DMXL2: variants seen among roughly 807,000 people sequenced by gnomAD.
The protein encoded by DMXL2 is Dmx like 2, also known as dmX-like protein 2.
Under a neutral mutation model 331.1 loss-of-function variants are expected in DMXL2, and 103 were observed. The observed-to-expected ratio is 0.31, with a 90% confidence interval of 0.27 to 0.37. The LOEUF (loss-of-function observed/expected upper bound fraction) is 0.37, where lower values mean the gene tolerates loss of function less well. DMXL2 is among the 10% of genes least tolerant of loss of function. DMXL2 has a pLI of 1.00. For synonymous variants in DMXL2, 1,281 were observed against 1,252.1 expected (o/e 1.02, Z -0.49); for missense variants, 3,171 against 3,642.9 (o/e 0.87, Z 3.33).
Position 51,478,262 on chromosome 15 carries a change from T to A in DMXL2, c.6833+9A>T. On this transcript the variant is annotated intron_variant, in intron 26 of 43. Transcript: ENST00000560891. ...TGTATTAATACTATTTTGGGTGATT[T>A]TTTTTTACCTGTAGCTATGACTGTC... is the stretch of plus-strand genomic sequence containing the variant. 2 of 1,609,120 alleles carry A rather than the reference T, an allele frequency of 1.2e-6. No homozygotes were observed. The highest frequency in any genetic ancestry group is 1.7e-5 in the Admixed American group (1 of 59,864).
intron 13 of DMXL2, among the ~76,000 whole-genome samples, chr15:51,526,047 G>A (rs1596124973): frequency 6.6e-6 from 1 of 151,624 alleles, no homozygotes; most frequent in African/African-American, 2.4e-5. Context: ...TAGAGGTGAT[G>A]GCCACAGGGG....
At position 51,450,364 on chromosome 15, in the gene DMXL2, C is replaced by G; in HGVS notation, c.8750-18G>C. The G allele has an allele frequency of 6.2e-7, 1 of 1,611,458 alleles. No homozygotes were observed. Among genetic ancestry groups the G allele is most frequent in the Non-Finnish European group, 8.5e-7 (1 of 1,177,822 alleles). Reference sequence around the variant, plus strand: ...CGTGAAACCTGAAGAAGAAAAACATCAGAGAATTTCTCAAAACAATTTCTT... The same window carrying G: ...CGTGAAACCTGAAGAAGAAAAACATGAGAGAATTTCTCAAAACAATTTCTT... On this transcript the variant is annotated intron_variant, in intron 42 of 43. Coordinates refer to ENST00000560891, the MANE Select transcript of DMXL2 (RefSeq NM_001378457.1).
rs754900105 is a variant in DMXL2 at position 51,449,091 on chromosome 15, T to C, written c.9070A>G (p.Ile3024Val). The C allele has an allele frequency of 2.5e-6, 4 of 1,614,216 alleles. No individual in the cohort carries two copies. In the Admixed American group the frequency reaches 5.0e-5, roughly 20 times the overall value. Residue 3024 changes from isoleucine to valine, a missense_variant, in exon 44 of 44, where the codon ATC becomes GTC. Around this residue, in one of 7 missense-constraint regions of DMXL2, gnomAD observed 766 missense variants for 940.5 expected, o/e 0.81. Coordinates refer to ENST00000560891, the MANE Select transcript of DMXL2 (RefSeq NM_001378457.1). Reference sequence around the variant, plus strand: ...GAGAAGAGCCGATTGCCCTGGATGATGTCAATCTGCATGACTCCAGCCCCA... The same window carrying C: ...GAGAAGAGCCGATTGCCCTGGATGACGTCAATCTGCATGACTCCAGCCCCA... Reference protein sequence around the residue: ...NIGAGVMQIDIIQGNRLFSCG... With the variant: ...NIGAGVMQIDVIQGNRLFSCG...
chr15:51,500,127 C>T lies in DMXL2; in HGVS notation c.3097G>A (p.Ala1033Thr). The T allele has an allele frequency of 1.2e-6, 2 of 1,614,156 alleles. No individual in the cohort carries two copies. Among genetic ancestry groups the T allele is most frequent in the Non-Finnish European group, 1.7e-6 (2 of 1,180,008 alleles). Residue 1033 changes from alanine to threonine, a missense_variant, in exon 18 of 44, where the codon GCC becomes ACC. Ala to Thr is a moderately conservative substitution (Grantham distance 58). Coordinates refer to ENST00000560891, the MANE Select transcript of DMXL2 (RefSeq NM_001378457.1). Reference sequence around the variant, plus strand: ...TCACTTTTATTACACTCTGGGTTGGCTTCCATACAACATTTCCAGAAGCGT... The same window carrying T: ...TCACTTTTATTACACTCTGGGTTGGTTTCCATACAACATTTCCAGAAGCGT... ...KVRFWKCCME[A>T]NPECNKSDEK...
intron 1 of DMXL2, 52 bp downstream of exon 1, chr15:51,622,407 C>G (rs2141488044): frequency 6.5e-7 from 1 of 1,549,366 alleles, no homozygotes; most frequent in East Asian, 2.4e-5. Flanking sequence ...AGGTCCCTGC[C>G]CCCGCGTCTG....
At chr15:51,563,527 G>T in intron 5 of DMXL2, 80 bp from the exon 6 acceptor site, 1 of 931,736 alleles carries the variant, frequency 1.1e-6, no homozygotes, top group Non-Finnish European at 1.6e-6. Flanking sequence ...TGAGATTTTT[G>T]TAACATCAAA....
At chr15:51,507,572 C>T (rs1189338151) in intron 15 of DMXL2, among the ~76,000 whole-genome samples, 1 of 151,868 alleles carries the variant, frequency 6.6e-6, no homozygotes. Flanking sequence ...ACTATGAGTT[C>T]ACACAAATAC....
chr15:51,507,941 G>T (rs1197814211), intron 15 of DMXL2, among the ~76,000 whole-genome samples: 1 of 152,036 alleles, frequency 6.6e-6, no homozygotes, highest in Non-Finnish European at 1.5e-5. Flanking sequence ...CTGAAAATTA[G>T]ATTCTTCATA....
chr15:51,459,536 G>GCTC (rs2039945234), intron 34 of DMXL2, 62 bp downstream of exon 34: 1 of 1,257,934 alleles, frequency 7.9e-7, no homozygotes, highest in Non-Finnish European at 1.0e-6. Context: ...TAGTATCAGA[G>GCTC]ATGAGGCGTT....
At chr15:51,567,754 G>T (rs542928143) in intron 3 of DMXL2, 2 of 152,404 alleles carry the variant, frequency 1.3e-5, no homozygotes, top group African/African-American at 4.8e-5. Flanking sequence ...AAGGGAAGTT[G>T]TAGTCTACAA....
At chr15:51,519,744 G>C (rs1309912559) in intron 13 of DMXL2, among the ~76,000 whole-genome samples, 2 of 146,488 alleles carry the variant, frequency 1.4e-5, no homozygotes, top group African/African-American at 5.1e-5. Flanking sequence ...CCGAGTTCAA[G>C]TGATTCTCCT....
At chr15:51,485,177 A>G (rs2042303409) in intron 23 of DMXL2, among the ~76,000 whole-genome samples, 1 of 152,178 alleles carries the variant, frequency 6.6e-6, no homozygotes, top group Non-Finnish European at 1.5e-5. Flanking sequence ...AGGTGAGGAA[A>G]ACACATTTAA....
chr15:51,614,161 A>G (rs973407130), intron 1 of DMXL2, among the ~76,000 whole-genome samples: 10 of 152,038 alleles, frequency 6.6e-5, no homozygotes, highest in Admixed American at 5.9e-4. Context: ...AGGAAAAGCC[A>G]TATGAGGAAA....
At chr15:51,538,792 T>C (rs973426148) in intron 9 of DMXL2, among the ~76,000 whole-genome samples, 1 of 152,198 alleles carries the variant, frequency 6.6e-6, no homozygotes, top group Non-Finnish European at 1.5e-5. Context: ...TATTAGATAT[T>C]ATGGAATTAC....
chr15:51,475,787 G>C (rs1320053630), intron 27 of DMXL2, among the ~76,000 whole-genome samples: 1 of 152,158 alleles, frequency 6.6e-6, no homozygotes, highest in Non-Finnish European at 1.5e-5. Flanking sequence ...GAGAATGTCT[G>C]TTTATAGGAA....
At chr15:51,473,701 C>T (rs182323552) in intron 28 of DMXL2, among the ~76,000 whole-genome samples, 12 of 152,202 alleles carry the variant, frequency 7.9e-5, no homozygotes, top group Non-Finnish European at 1.2e-4. Flanking sequence ...ATCTTTCCTG[C>T]GGCATCAGTC....
intron 1 of DMXL2, among the ~76,000 whole-genome samples, chr15:51,608,511 C>T (rs1459056827): frequency 1.3e-5 from 2 of 152,142 alleles, no homozygotes; most frequent in East Asian, 1.9e-4. Context: ...AAACCAAATA[C>T]CACATATTCT....
chr15:51,604,941 A>G (rs1382701382), intron 1 of DMXL2, among the ~76,000 whole-genome samples: 1 of 152,214 alleles, frequency 6.6e-6, no homozygotes, highest in East Asian at 1.9e-4. Flanking sequence ...GACCCACAAA[A>G]ATATAGCCAA....
chr15:51,601,648 A>G (rs2053237244), intron 1 of DMXL2, among the ~76,000 whole-genome samples: 1 of 152,208 alleles, frequency 6.6e-6, no homozygotes, highest in Non-Finnish European at 1.5e-5. Flanking sequence ...TCACTATCTT[A>G]ATGACTACAA....
Sources: allele counts gnomAD v4.1 joint callset (sites outside exome capture counted in the v4.1 genomes callset), GRCh38; gene constraint gnomAD v4.1.1; regional missense constraint gnomAD v4.1.1; transcripts MANE v1.5; gene names NCBI Gene and HGNC (gene_info 2026-07-23, HGNC 2026-07-21).